Variants in NUSAP1 observed in about 807,000 individuals in gnomAD.
The protein encoded by NUSAP1 is nucleolar and spindle associated protein 1.
NUSAP1 carries 32 observed loss-of-function variants against 52.8 expected under a neutral mutation model. The observed-to-expected ratio is 0.61, with a 90% CI of 0.46 to 0.81. NUSAP1 has a LOEUF of 0.81. NUSAP1 is among the 40% of genes least tolerant of loss of function. The pLI is 0.00. For synonymous variants in NUSAP1, 195 were observed against 183.1 expected (o/e 1.06, Z -0.52); for missense variants, 499 against 522.3 (o/e 0.96, Z 0.43).
At chr15:41,346,611 G>A (rs909002608) in intron 2 of NUSAP1, among the ~76,000 whole-genome samples, 5 of 150,704 alleles carry the variant, frequency 3.3e-5, no homozygotes, top group East Asian at 2.0e-4. Context: ...GGTGGATCAC[G>A]AGGTCAAGAG....
chr15:41,356,222 G>C lies in NUSAP1; in HGVS notation c.550+82G>C. The C allele has an allele frequency of 3.7e-6, 3 of 811,446 alleles. No homozygotes were observed. In the South Asian group the frequency reaches 4.4e-5, roughly 12 times the overall value. 50.3% of individuals were successfully genotyped at this position (811,446 alleles called of 1,614,324 possible). A position where few individuals can be genotyped will look rare whatever the true frequency, so the allele number is the denominator to read the frequency against. On this transcript the variant is annotated intron_variant, in intron 5 of 10. Transcript: ENST00000559596. ...TTGGACTGTAACAGCTGAAAGCATA[G>C]AGGCTGGAACCAGTTTACATTCTAG...
intron 1 of NUSAP1, among the ~76,000 whole-genome samples, chr15:41,340,819 T>C (rs2048341162): frequency 6.6e-6 from 1 of 152,212 alleles, no homozygotes; most frequent in Admixed American, 6.5e-5. Context: ...CCTGATATCT[T>C]GATGCAGAGC....
chr15:41,380,558 C>G lies in NUSAP1; in HGVS notation c.*372C>G, dbSNP rs2050170153. On this transcript the variant is annotated 3_prime_UTR_variant, in exon 11 of 11. Coordinates refer to ENST00000559596, the MANE Select transcript of NUSAP1 (RefSeq NM_016359.5). Reference sequence around the variant, plus strand: ...ATTTACCTGATGGCAGCTAGTTATGCAAGCTTCAGGAGAATTTGAACAATA... The same window carrying G: ...ATTTACCTGATGGCAGCTAGTTATGGAAGCTTCAGGAGAATTTGAACAATA... 1 of 173,398 alleles carries G rather than the reference C, an allele frequency of 5.8e-6. No homozygotes were observed. The highest frequency in any genetic ancestry group is 1.3e-4 in the South Asian group (1 of 7,626). 10.7% of individuals were successfully genotyped at this position (173,398 alleles called of 1,614,324 possible).
At chr15:41,377,115 A>G (rs373377528) in intron 9 of NUSAP1, 81 bp from the exon 10 acceptor site, 1 of 721,068 alleles carries the variant, frequency 1.4e-6, no homozygotes, top group Non-Finnish European at 2.3e-6. Context: ...GATAGCAGGT[A>G]ACCCCACAGA....
chr15:41,346,297 T>G (rs2048565386), intron 2 of NUSAP1, among the ~76,000 whole-genome samples: 1 of 151,806 alleles, frequency 6.6e-6, no homozygotes. Flanking sequence ...ATTTTATATT[T>G]TTTTATATAT....
chr15:41,375,627 A>T (rs2049897925), intron 8 of NUSAP1, 85 bp from the exon 9 acceptor site: 1 of 911,780 alleles, frequency 1.1e-6, no homozygotes, highest in African/African-American at 1.6e-5. Flanking sequence ...GTGTATTTTT[A>T]AGATTGAGAA....
rs1427531375 is a variant in NUSAP1 at position 41,356,278 on chromosome 15, G to A, written c.550+138G>A. 4.5e-6 allele frequency: 3 copies of A among 663,632 alleles called. No homozygotes were observed. In the East Asian group the frequency reaches 8.3e-5, roughly 18 times the overall value. 41.1% of individuals were successfully genotyped at this position (663,632 alleles called of 1,614,324 possible). A position where few individuals can be genotyped will look rare whatever the true frequency, so the allele number is the denominator to read the frequency against. On this transcript the variant is annotated intron_variant, in intron 5 of 10. Transcript: ENST00000559596. The stretch of plus-strand genomic sequence containing the variant: ...TCGTCTTTTAGGTTTGATATCTTGG[G>A]GAACTTACTCATCCTCAATAAACTC...
At chr15:41,360,024 T>C (rs2049114193) in intron 6 of NUSAP1, among the ~76,000 whole-genome samples, 1 of 151,806 alleles carries the variant, frequency 6.6e-6, no homozygotes, top group African/African-American at 2.4e-5. Context: ...AATGGTGCGA[T>C]CTTGCCTCAC....
chr15:41,363,335 C>CTATA (rs1567062755), intron 6 of NUSAP1, among the ~76,000 whole-genome samples: 8 of 149,052 alleles, frequency 5.4e-5, no homozygotes, highest in Middle Eastern at 7.2e-3. Flanking sequence ...GTCTCTCTCT[C>CTATA]TCTCTATATA....
In NUSAP1 at chr15:41,332,898, A is replaced by C; in HGVS notation, c.-60A>C. 23 of 1,364,760 alleles carry C rather than the reference A, an allele frequency of 1.7e-5. No individual in the cohort carries two copies. Among genetic ancestry groups the C allele is most frequent in the East Asian group, 2.5e-5 (1 of 40,792 alleles). The allele number at this position is 1,364,760 out of a possible 1,614,324, so 84.5% of individuals were successfully genotyped here. On this transcript the variant is annotated 5_prime_UTR_variant, in exon 1 of 11. Transcript: ENST00000559596. The stretch of plus-strand genomic sequence containing the variant: ...AGTTAAGAGTGGCGCCAGGGATTTG[A>C]ACCGCGCTGACGAAGTTTGGTGATC...
At chr15:41,353,946 T>C (rs1024725048) in intron 4 of NUSAP1, among the ~76,000 whole-genome samples, 2 of 152,318 alleles carry the variant, frequency 1.3e-5, no homozygotes, top group Non-Finnish European at 2.9e-5. Flanking sequence ...CCTGGAATGG[T>C]TCTTTTCCAT....
chr15:41,338,254 T>G (rs2048241209), intron 1 of NUSAP1, among the ~76,000 whole-genome samples: 2 of 151,900 alleles, frequency 1.3e-5, no homozygotes, highest in Admixed American at 1.3e-4. Context: ...AAGTTAAAAT[T>G]TACCCAAAAG....
At chr15:41,378,050 G>A (rs939943379) in intron 10 of NUSAP1, among the ~76,000 whole-genome samples, 3 of 152,140 alleles carry the variant, frequency 2.0e-5, no homozygotes, top group African/African-American at 7.2e-5. Context: ...CTAGGTTCCA[G>A]TGTAATGGAC....
intron 8 of NUSAP1, among the ~76,000 whole-genome samples, chr15:41,372,808 C>T (rs1429553683): frequency 6.6e-6 from 1 of 152,150 alleles, no homozygotes; most frequent in Non-Finnish European, 1.5e-5. Context: ...AAAGGATTGG[C>T]CGGACGCAGT....
chr15:41,356,181 C>T, intron 5 of NUSAP1, 41 bp downstream of exon 5: 1 of 1,148,464 alleles, frequency 8.7e-7, no homozygotes. Flanking sequence ...AATGGTTGCC[C>T]CACTTCGGAA....
At chr15:41,343,377 G>C (rs528152199) in intron 2 of NUSAP1, 1 of 152,226 alleles carries the variant, frequency 6.6e-6, no homozygotes, top group East Asian at 1.9e-4. Flanking sequence ...TAGTTGTTGA[G>C]ACAGAATCTT....
At chr15:41,365,167 T>TTTTTTG (rs2049340673) in intron 6 of NUSAP1, among the ~76,000 whole-genome samples, 1 of 152,132 alleles carries the variant, frequency 6.6e-6, no homozygotes, top group African/African-American at 2.4e-5. Context: ...TTTTTGTTTG[T>TTTTTTG]TTTTTGTTTT....
At position 41,336,895 on chromosome 15, in the gene NUSAP1, C is replaced by A. The variant is rs981128630; in HGVS notation, c.93+3845C>A. Among the ~76,000 whole-genome samples the A allele has an allele frequency of 1.1e-4, 16 of 151,938 alleles. No homozygotes were observed. In the East Asian group the frequency reaches 3.1e-3, roughly 29 times the overall value. ...TGACTCAACTTGGTTCCCTTCCCTC[C>A]CTTGATGACTTTACCTCATAGGTCA... On this transcript the variant is annotated intron_variant, in intron 1 of 10. Transcript: ENST00000559596.
chr15:41,380,751 A>G lies in NUSAP1; in HGVS notation c.*565A>G, dbSNP rs936443718. ...GTTCAAATATCCTCATGTAATTGCCATCTGTCACTCACTATATTCACAAAA... is the reference window on the plus strand; with the variant it reads ...GTTCAAATATCCTCATGTAATTGCCGTCTGTCACTCACTATATTCACAAAA... On this transcript the variant is annotated 3_prime_UTR_variant, in exon 11 of 11. Transcript: ENST00000559596. 18 of 152,320 alleles carry G rather than the reference A, an allele frequency of 1.2e-4. No homozygotes were observed. The highest frequency in any genetic ancestry group is 4.3e-4 in the African/African-American group (18 of 41,454). 9.4% of individuals were successfully genotyped at this position (152,320 alleles called of 1,614,324 possible).
Sources: allele counts gnomAD v4.1 joint callset (sites outside exome capture counted in the v4.1 genomes callset), GRCh38; gene constraint gnomAD v4.1.1; transcripts MANE v1.5; gene names NCBI Gene and HGNC (gene_info 2026-07-23, HGNC 2026-07-21).